Variants in CHST11 observed in about 807,000 individuals in gnomAD.
The protein encoded by CHST11 is C4S-1.
A neutral mutation model predicts 30.4 loss-of-function variants in CHST11; 9 were observed. The observed-to-expected ratio is 0.30, with a 90% confidence interval of 0.18 to 0.52. The LOEUF (loss-of-function observed/expected upper bound fraction) is 0.52, where lower values mean the gene tolerates loss of function less well. CHST11 is among the 20% of genes least tolerant of loss of function. The pLI, the probability that CHST11 is intolerant of heterozygous loss-of-function variation, is 0.97. For missense variants in CHST11, 348 were observed against 460.6 expected (o/e 0.76, Z 2.24); for synonymous variants, 152 against 187.8 (o/e 0.81, Z 1.56).
intron 2 of CHST11, among the ~76,000 whole-genome samples, chr12:104,715,401 G>A (rs1020171899): frequency 1.1e-4 from 16 of 151,984 alleles, no homozygotes; most frequent in South Asian, 8.3e-4. Flanking sequence ...TAAAAATGAA[G>A]ACAGTAACGG....
intron 2 of CHST11, among the ~76,000 whole-genome samples, chr12:104,635,751 T>C (rs2039317306): frequency 2.6e-5 from 4 of 152,222 alleles, no homozygotes. Context: ...GGGAGTCTGT[T>C]CTTTGCAAAT....
At chr12:104,661,114 G>C (rs959335960) in intron 2 of CHST11, among the ~76,000 whole-genome samples, 1 of 152,294 alleles carries the variant, frequency 6.6e-6, no homozygotes. Flanking sequence ...AGCTTCGCCT[G>C]AGTTCTGTGT....
At position 104,720,638 on chromosome 12, in the gene CHST11, A is replaced by G. The variant is rs58827590; in HGVS notation, c.205-36311A>G. On this transcript the variant is annotated intron_variant, in intron 2 of 2. Coordinates refer to ENST00000303694, the MANE Select transcript of CHST11 (RefSeq NM_018413.6). Reference sequence around the variant, plus strand: ...ACGTGCTGCGGTCGGCAGCCAAGACAAAAAACCCACAGACGTTTGGCCTTT... The same window carrying G: ...ACGTGCTGCGGTCGGCAGCCAAGACGAAAAACCCACAGACGTTTGGCCTTT... 3.5e-3 allele frequency among the ~76,000 whole-genome samples: 534 copies of G among 152,322 alleles called. 3 individuals carry two copies. The highest frequency in any genetic ancestry group is 0.012 in the African/African-American group (499 of 41,576).
At chr12:104,621,919 G>A (rs762107565) in intron 2 of CHST11, among the ~76,000 whole-genome samples, 2 of 152,250 alleles carry the variant, frequency 1.3e-5, no homozygotes, top group Non-Finnish European at 2.9e-5. Flanking sequence ...CATCAGGTAA[G>A]CAGTCCGGCA....
intron 1 of CHST11, among the ~76,000 whole-genome samples, chr12:104,461,401 A>C: frequency 6.6e-6 from 1 of 152,200 alleles, no homozygotes; most frequent in East Asian, 1.9e-4. Context: ...TTCACCAATG[A>C]ATGCTTCCTA....
intron 2 of CHST11, among the ~76,000 whole-genome samples, chr12:104,698,374 T>TGTCACCTAGAA (rs1199693436): frequency 1.3e-5 from 2 of 152,208 alleles, no homozygotes; most frequent in East Asian, 3.9e-4. Flanking sequence ...AACACTTTCC[T>TGTCACCTAGAA]GTCACCTAGA....
At chr12:104,684,912 C>A (rs1354784379) in intron 2 of CHST11, among the ~76,000 whole-genome samples, 1 of 152,206 alleles carries the variant, frequency 6.6e-6, no homozygotes. Flanking sequence ...TTCTATGCAA[C>A]CTCTTCCCTC....
chr12:104,507,603 G>T (rs1272415924), intron 1 of CHST11, among the ~76,000 whole-genome samples: 1 of 152,226 alleles, frequency 6.6e-6, no homozygotes, highest in Non-Finnish European at 1.5e-5. Context: ...ACAGTAGTAA[G>T]TGTTTGTTGT....
intron 2 of CHST11, among the ~76,000 whole-genome samples, chr12:104,602,569 GAA>G (rs2038967198): frequency 6.6e-6 from 1 of 152,204 alleles, no homozygotes; most frequent in Admixed American, 6.5e-5. Context: ...TCCAACCAAG[GAA>G]AAGTGTCTTC....
chr12:104,556,565 T>A (rs957797584), intron 1 of CHST11, among the ~76,000 whole-genome samples: 1 of 152,208 alleles, frequency 6.6e-6, no homozygotes, highest in Admixed American at 6.5e-5. Context: ...TGGCAATCCT[T>A]GGTGTTCCCT....
intron 2 of CHST11, among the ~76,000 whole-genome samples, chr12:104,666,327 C>T (rs547565662): frequency 6.6e-6 from 1 of 152,040 alleles, no homozygotes; most frequent in Non-Finnish European, 1.5e-5. Context: ...TGGATGCAAG[C>T]GAGAATGGAG....
chr12:104,703,619 T>A (rs1163759514), intron 2 of CHST11, among the ~76,000 whole-genome samples: 1 of 152,176 alleles, frequency 6.6e-6, no homozygotes, highest in Admixed American at 6.5e-5. Context: ...AGTCGGATCA[T>A]GTTCCTCCCA....
At chr12:104,645,315 C>A (rs908403716) in intron 2 of CHST11, among the ~76,000 whole-genome samples, 1 of 152,150 alleles carries the variant, frequency 6.6e-6, no homozygotes, top group African/African-American at 2.4e-5. Flanking sequence ...AGGTACTTGG[C>A]AATAATCCTC....
intron 2 of CHST11, among the ~76,000 whole-genome samples, chr12:104,680,967 T>G (rs1489183523): frequency 6.6e-6 from 1 of 152,254 alleles, no homozygotes; most frequent in Non-Finnish European, 1.5e-5. Flanking sequence ...TCTCTGGACC[T>G]CAATAACACT....
intron 1 of CHST11, among the ~76,000 whole-genome samples, chr12:104,585,851 A>G (rs745820860): frequency 2.6e-5 from 4 of 152,112 alleles, no homozygotes; most frequent in South Asian, 2.1e-4. Context: ...GGTGGCTCCC[A>G]GCAATCCTAG....
At chr12:104,745,856 T>A (rs1212133527) in intron 2 of CHST11, among the ~76,000 whole-genome samples, 6 of 152,240 alleles carry the variant, frequency 3.9e-5, no homozygotes, top group Non-Finnish European at 7.3e-5. Context: ...AACAGGGTTT[T>A]CTAGATGTAG....
chr12:104,481,597 T>TG (rs1005397445), intron 1 of CHST11, among the ~76,000 whole-genome samples: 17 of 152,088 alleles, frequency 1.1e-4, no homozygotes, highest in South Asian at 6.2e-4. Flanking sequence ...CACGCGTCGA[T>TG]GGGGGGCAAC....
chr12:104,539,376 G>C (rs1046398660), intron 1 of CHST11, among the ~76,000 whole-genome samples: 2 of 152,146 alleles, frequency 1.3e-5, no homozygotes, highest in African/African-American at 4.8e-5. Flanking sequence ...GTTAGTGTTT[G>C]TTTTTGTTAT....
intron 1 of CHST11, among the ~76,000 whole-genome samples, chr12:104,482,017 T>C (rs896544063): frequency 3.3e-5 from 5 of 151,828 alleles, no homozygotes; most frequent in African/African-American, 4.8e-5. Context: ...TTATTGTATA[T>C]ATATATATTT....
Sources: gnomAD v4.1 joint callset for allele counts (sites outside exome capture counted in the v4.1 genomes callset) on GRCh38, gnomAD v4.1.1 for gene constraint, MANE v1.5 for transcripts, NCBI Gene and HGNC (gene_info 2026-07-23, HGNC 2026-07-21) for gene names.